The following PALLD variants were observed in gnomAD, a reference collection of about 807,000 sequenced individuals.
PALLD encodes palladin, cytoskeletal associated protein, also known as palladin.
PALLD carries 61 observed loss-of-function variants against 123.5 expected under a neutral mutation model. That is an observed-to-expected ratio of 0.49 (90% CI 0.40 to 0.61). The LOEUF (loss-of-function observed/expected upper bound fraction) is 0.61. Among genes scored for constraint, PALLD ranks in the 20% least tolerant of loss-of-function variants. PALLD has a pLI of 0.00. For synonymous variants in PALLD, 465 were observed against 496.4 expected, an observed-to-expected ratio of 0.94 and a Z score of 0.84; for missense variants, 1,273 against 1,377.0, an observed-to-expected ratio of 0.92 and a Z score of 1.20.
intron 10 of PALLD, among the ~76,000 whole-genome samples, chr4:168,762,726 G>C (rs1327676267): frequency 6.6e-6 from 1 of 152,178 alleles, no homozygotes; most frequent in African/African-American, 2.4e-5. Flanking sequence ...ACACGCACAC[G>C]TATGTTTATT....
At chr4:168,638,826 G>C (rs531350421) in intron 2 of PALLD, among the ~76,000 whole-genome samples, 2 of 152,012 alleles carry the variant, frequency 1.3e-5, no homozygotes, top group Non-Finnish European at 2.9e-5. Context: ...AATTTGGGAG[G>C]GGGGGCGGGC....
intron 10 of PALLD, among the ~76,000 whole-genome samples, chr4:168,717,999 A>G (rs1785529313): frequency 6.6e-6 from 1 of 152,182 alleles, no homozygotes; most frequent in African/African-American, 2.4e-5. Flanking sequence ...GTGCAATCAC[A>G]CTGCTATTTC....
intron 10 of PALLD, among the ~76,000 whole-genome samples, chr4:168,759,179 CAAAAAAAAAAA>C (rs1175955888): frequency 0.041 from 358 of 8,826 alleles, 8 homozygotes; most frequent in Admixed American, 0.11. Flanking sequence ...GACTCCATCT[CAAAAAAAAAAA>C]AAAAAAAAAA....
intron 10 of PALLD, among the ~76,000 whole-genome samples, chr4:168,775,960 G>A (rs1735119306): frequency 6.6e-6 from 1 of 152,180 alleles, no homozygotes; most frequent in African/African-American, 2.4e-5. Context: ...AAAATCAGAT[G>A]ATGTTAGCCT....
intron 6 of PALLD, among the ~76,000 whole-genome samples, chr4:168,690,203 A>G (rs967596028): frequency 7.2e-5 from 11 of 152,222 alleles, no homozygotes; most frequent in Admixed American, 5.2e-4. Context: ...TCTGGTTTTC[A>G]TAAGAATCTA....
At chr4:168,771,014 G>A (rs1349004513) in intron 10 of PALLD, among the ~76,000 whole-genome samples, 2 of 149,796 alleles carry the variant, frequency 1.3e-5, no homozygotes, top group African/African-American at 2.5e-5. Context: ...GGCCAAGATT[G>A]CACCACTGCA....
At chr4:168,752,804 AACTT>A (rs200881077) in intron 10 of PALLD, among the ~76,000 whole-genome samples, 3,052 of 152,150 alleles carry the variant, frequency 0.02, 99 homozygotes, top group African/African-American at 0.069. Flanking sequence ...GTGACCACAA[AACTT>A]ACTTAAATTC....
At chr4:168,721,989 A>G (rs1786066086) in intron 10 of PALLD, among the ~76,000 whole-genome samples, 1 of 152,136 alleles carries the variant, frequency 6.6e-6, no homozygotes, top group African/African-American at 2.4e-5. Flanking sequence ...TATCCCTTTA[A>G]TTGTACATCT....
chr4:168,753,137 C>T (rs1036299324), intron 10 of PALLD, among the ~76,000 whole-genome samples: 5 of 152,138 alleles, frequency 3.3e-5, no homozygotes, highest in Admixed American at 2.0e-4. Context: ...ATAGCAACCA[C>T]CTGACTACTC....
rs1162573014 is a variant in PALLD at position 168,556,387 on chromosome 4, G to A, written c.908+43975G>A. Among the ~76,000 whole-genome samples the A allele has an allele frequency of 3.3e-5, 5 of 152,142 alleles. No homozygotes were observed. The East Asian group carries it at 9.6e-4, about 29-fold the overall frequency. On this transcript the variant is annotated intron_variant, in intron 2 of 21. Coordinates refer to ENST00000505667, the MANE Select transcript of PALLD (RefSeq NM_001166108.2). ...TGGGATTACAGGTGTAAGCCACGGCGCCCGGCCATATTAATACCTTTTAAA... is the reference window on the plus strand; with the variant it reads ...TGGGATTACAGGTGTAAGCCACGGCACCCGGCCATATTAATACCTTTTAAA...
intron 14 of PALLD, among the ~76,000 whole-genome samples, chr4:168,900,898 T>G (rs1029827784): frequency 2.6e-5 from 4 of 152,202 alleles, no homozygotes; most frequent in Non-Finnish European, 4.4e-5. Flanking sequence ...CACAAGAAGA[T>G]TCCATATTAC....
intron 10 of PALLD, among the ~76,000 whole-genome samples, chr4:168,753,766 C>G (rs900882597): frequency 1.3e-5 from 2 of 152,188 alleles, no homozygotes; most frequent in Non-Finnish European, 2.9e-5. Context: ...GTGACCGAAC[C>G]ACCTTGGCAA....
intron 10 of PALLD, among the ~76,000 whole-genome samples, chr4:168,882,834 A>C (rs1369271707): frequency 6.6e-6 from 1 of 152,200 alleles, no homozygotes; most frequent in Non-Finnish European, 1.5e-5. Flanking sequence ...CAAGTTGTAC[A>C]GAATGAATGA....
intron 3 of PALLD, among the ~76,000 whole-genome samples, chr4:168,679,142 GTGGTGTGTGGGGGGTGTGTGTGCA>G (rs1373059359): frequency 1.7e-5 from 2 of 114,776 alleles, no homozygotes; most frequent in African/African-American, 7.0e-5. Context: ...GAGTATGGAT[GTGGTGTGTGGGGGGTGTGTGTGCA>G]TGGTGTGTGG....
chr4:168,871,066 A>T (rs910971076), intron 10 of PALLD, among the ~76,000 whole-genome samples: 1 of 152,174 alleles, frequency 6.6e-6, no homozygotes, highest in Non-Finnish European at 1.5e-5. Flanking sequence ...TTGTAAAGCC[A>T]TTTGGGGAGT....
intron 10 of PALLD, among the ~76,000 whole-genome samples, chr4:168,764,956 T>A (rs1261313948): frequency 1.3e-5 from 2 of 152,194 alleles, no homozygotes; most frequent in Non-Finnish European, 2.9e-5. Context: ...CTCATTTGAA[T>A]CGAGGGTTTA....
chr4:168,829,493 TAAATCATA>T (rs939766107), intron 10 of PALLD, among the ~76,000 whole-genome samples: 1 of 152,230 alleles, frequency 6.6e-6, no homozygotes, highest in Non-Finnish European at 1.5e-5. Flanking sequence ...AAAGGACTCC[TAAATCATA>T]AAATCATAAA....
chr4:168,775,385 G>A (rs2150522256), intron 10 of PALLD, among the ~76,000 whole-genome samples: 1 of 152,044 alleles, frequency 6.6e-6, no homozygotes, highest in African/African-American at 2.4e-5. Context: ...TTGTTTAATT[G>A]GATTGCTTGT....
chr4:168,622,645 C>T (rs1005184224), intron 2 of PALLD, among the ~76,000 whole-genome samples: 7 of 152,220 alleles, frequency 4.6e-5, no homozygotes, highest in African/African-American at 1.7e-4. Flanking sequence ...CATTATTATG[C>T]TGTAATCAGG....
Sources: allele counts gnomAD v4.1 joint callset (sites outside exome capture counted in the v4.1 genomes callset), GRCh38; gene constraint gnomAD v4.1.1; transcripts MANE v1.5; gene names NCBI Gene and HGNC (gene_info 2026-07-23, HGNC 2026-07-21).